The following FAM162A variants were observed in gnomAD, a reference collection of about 807,000 sequenced individuals.
FAM162A encodes the protein family with sequence similarity 162 member A, also known as protein FAM162A.
FAM162A carries 23 observed loss-of-function variants against 21.8 expected under a neutral mutation model. That is an observed-to-expected ratio of 1.05 (90% CI 0.76 to 1.49). The LOEUF is 1.49. FAM162A is among the 40% of genes most tolerant of loss of function. The pLI is 0.00. For synonymous variants in FAM162A, 53 were observed against 61.3 expected, an observed-to-expected ratio of 0.86 and a Z score of 0.64; for missense variants, 165 against 186.4, an observed-to-expected ratio of 0.89 and a Z score of 0.67.
At chr3:122,386,462 A>T (rs2075574889) in intron 1 of FAM162A, among the ~76,000 whole-genome samples, 1 of 151,872 alleles carries the variant, frequency 6.6e-6, no homozygotes. Context: ...CTGAGGCAAG[A>T]GGATCACTTG....
chr3:122,407,437 A>G lies in FAM162A; in HGVS notation c.372+48A>G, dbSNP rs770021437. 10 of 1,424,224 alleles carry G rather than the reference A, an allele frequency of 7.0e-6. No individual in the cohort carries two copies. In the African/African-American group the frequency reaches 1.4e-4, roughly 20 times the overall value. 88.2% of individuals were successfully genotyped at this position (1,424,224 alleles called of 1,614,324 possible). A position where few individuals can be genotyped will look rare whatever the true frequency, so the allele number is the denominator to read the frequency against. On this transcript the variant is annotated intron_variant, in intron 4 of 4. Transcript: ENST00000477892. ...TCCAGTATGTATGTTCTCCACCAAG[A>G]ACCTAGAGTAAATCAGGGATTGACC...
At chr3:122,390,558 G>C (rs1025622912) in intron 1 of FAM162A, among the ~76,000 whole-genome samples, 8 of 152,202 alleles carry the variant, frequency 5.3e-5, no homozygotes, top group African/African-American at 1.9e-4. Context: ...TTTATGGAAA[G>C]GAGGGGACTA....
Position 122,411,287 on chromosome 3 carries a change from C to CTA in FAM162A, c.*1461_*1462dup, listed in dbSNP as rs1416103946. 2 of 152,158 alleles carry CTA rather than the reference C, an allele frequency of 1.3e-5. No homozygotes were observed. The highest frequency in any genetic ancestry group is 4.8e-5 in the African/African-American group (2 of 41,436). The allele number at this position is 152,158 out of a possible 1,614,324, so 9.4% of individuals were successfully genotyped here. On this transcript the variant is annotated 3_prime_UTR_variant, in exon 5 of 5. Transcript: ENST00000477892. ...ATCTGAGGATGTTTATGATGTCTGT[C>CTA]TATATACTTTAATTTGGCCTTAGCT...
intron 1 of FAM162A, among the ~76,000 whole-genome samples, chr3:122,392,671 C>T (rs985302661): frequency 6.6e-6 from 1 of 152,098 alleles, no homozygotes; most frequent in African/African-American, 2.4e-5. Flanking sequence ...TTTAACAAGG[C>T]ATTCCTCTGA....
intron 1 of FAM162A, among the ~76,000 whole-genome samples, chr3:122,388,060 G>A (rs1436942735): frequency 1.3e-5 from 2 of 152,168 alleles, no homozygotes; most frequent in African/African-American, 4.8e-5. Flanking sequence ...CTTTTAGCAG[G>A]AGAAGTAACA....
At chr3:122,394,056 G>C (rs963740907) in intron 1 of FAM162A, among the ~76,000 whole-genome samples, 1 of 152,182 alleles carries the variant, frequency 6.6e-6, no homozygotes, top group Non-Finnish European at 1.5e-5. Flanking sequence ...TACAATCATG[G>C]TGGAAGGCGA....
chr3:122,391,342 G>C (rs1385521929), intron 1 of FAM162A, among the ~76,000 whole-genome samples: 2 of 152,218 alleles, frequency 1.3e-5, no homozygotes, highest in African/African-American at 2.4e-5. Flanking sequence ...ACAGGCACAT[G>C]CCACTGCGCC....
intron 1 of FAM162A, among the ~76,000 whole-genome samples, chr3:122,388,003 G>A (rs139664889): frequency 3.8e-4 from 58 of 152,286 alleles, no homozygotes; most frequent in African/African-American, 1.3e-3. Context: ...GAGGTAAAGT[G>A]TAGTGTTTGG....
Position 122,411,156 on chromosome 3 carries a change from CAG to C in FAM162A, c.*1330_*1331del, listed in dbSNP as rs1471303833. On this transcript the variant is annotated 3_prime_UTR_variant, in exon 5 of 5. Transcript: ENST00000477892. The stretch of plus-strand genomic sequence containing the variant: ...ACAGCCATGCCAACATGCTGGTTCT[CAG>C]AGAGTTATAAGAGAGATTAAAAATA... 1.3e-5 allele frequency: 2 copies of C among 152,128 alleles called. No homozygotes were observed. The highest frequency in any genetic ancestry group is 4.8e-5 in the African/African-American group (2 of 41,420). 9.4% of individuals were successfully genotyped at this position (152,128 alleles called of 1,614,324 possible). A position where few individuals can be genotyped will look rare whatever the true frequency, so the allele number is the denominator to read the frequency against.
chr3:122,385,082 C>G (rs2075568717), intron 1 of FAM162A, among the ~76,000 whole-genome samples: 1 of 151,788 alleles, frequency 6.6e-6, no homozygotes, highest in African/African-American at 2.4e-5. Context: ...CAATGGCACA[C>G]ACTACATTAT....
In FAM162A at chr3:122,410,922, G is replaced by C. The variant is rs549742085; in HGVS notation, c.*1091G>C. 3.2e-4 allele frequency: 48 copies of C among 152,258 alleles called. No homozygotes were observed. Among genetic ancestry groups the C allele is most frequent in the African/African-American group, 1.1e-3 (44 of 41,540 alleles). The allele number at this position is 152,258 out of a possible 1,614,324, so 9.4% of individuals were successfully genotyped here. A position where few individuals can be genotyped will look rare whatever the true frequency, so the allele number is the denominator to read the frequency against. ...TCTCTGTTACGAGATCAGCTGTCGTGGAATCAGTGCTAGTGTTCAGGTAAC... is the reference window on the plus strand; with the variant it reads ...TCTCTGTTACGAGATCAGCTGTCGTCGAATCAGTGCTAGTGTTCAGGTAAC... On this transcript the variant is annotated 3_prime_UTR_variant, in exon 5 of 5. Coordinates refer to ENST00000477892, the MANE Select transcript of FAM162A (RefSeq NM_014367.4).
chr3:122,395,229 C>A (rs1576248973), intron 1 of FAM162A, among the ~76,000 whole-genome samples: 1 of 152,284 alleles, frequency 6.6e-6, no homozygotes, highest in Admixed American at 6.5e-5. Flanking sequence ...TTTCAACAGA[C>A]ATTTCTGTTC....
intron 1 of FAM162A, among the ~76,000 whole-genome samples, chr3:122,393,744 G>C (rs1318936421): frequency 6.6e-6 from 1 of 152,102 alleles, no homozygotes; most frequent in Non-Finnish European, 1.5e-5. Flanking sequence ...CAAGAAGCTG[G>C]GGAATGAGAT....
intron 1 of FAM162A, among the ~76,000 whole-genome samples, chr3:122,393,615 C>CT (rs2075614340): frequency 6.6e-6 from 1 of 152,154 alleles, no homozygotes; most frequent in South Asian, 2.1e-4. Flanking sequence ...CAGGGCTTAT[C>CT]TTTTTTCACC....
At position 122,409,791 on chromosome 3, in the gene FAM162A, G is replaced by A. The variant is rs73188392; in HGVS notation, c.425G>A (p.Arg142His). 536 of 1,614,060 alleles carry A rather than the reference G, an allele frequency of 3.3e-4. No homozygotes were observed. Among genetic ancestry groups the A allele is most frequent in the Middle Eastern group, 8.2e-4 (5 of 6,062 alleles). Reference sequence around the variant, plus strand: ...AGCTTGAACTTAGAAAAGAAAGCTCGTCTGAAAGAGGAAGCAGCTATGAAG... The same window carrying A: ...AGCTTGAACTTAGAAAAGAAAGCTCATCTGAAAGAGGAAGCAGCTATGAAG... The part of the protein sequence containing the change: ...LTSLNLEKKA[R>H]LKEEAAMKAK... Residue 142 changes from arginine (R) to histidine (H), a missense_variant, in exon 5 of 5, where the codon CGT becomes CAT. Transcript: ENST00000477892.
chr3:122,401,121 G>A (rs1251826190), intron 1 of FAM162A, among the ~76,000 whole-genome samples: 1 of 148,844 alleles, frequency 6.7e-6, no homozygotes, highest in African/African-American at 2.4e-5. Flanking sequence ...TCATAAAACA[G>A]TGATTTTCTT....
intron 1 of FAM162A, among the ~76,000 whole-genome samples, chr3:122,394,260 T>G (rs1322211616): frequency 6.6e-6 from 1 of 152,056 alleles, no homozygotes; most frequent in African/African-American, 2.4e-5. Context: ...CCTCCAACAC[T>G]GGGGGTTACA....
At chr3:122,388,102 A>G (rs1211394262) in intron 1 of FAM162A, among the ~76,000 whole-genome samples, 1 of 152,370 alleles carries the variant, frequency 6.6e-6, no homozygotes, top group South Asian at 2.1e-4. Context: ...TAACTCAGCA[A>G]CTACATACCA....
intron 4 of FAM162A, among the ~76,000 whole-genome samples, chr3:122,409,185 G>C (rs1294109401): frequency 6.6e-6 from 1 of 152,164 alleles, no homozygotes; most frequent in African/African-American, 2.4e-5. Context: ...AACAAGGGAA[G>C]AGGACGGTTG....
Sources: gnomAD v4.1 joint callset for allele counts (sites outside exome capture counted in the v4.1 genomes callset) on GRCh38, gnomAD v4.1.1 for gene constraint, MANE v1.5 for transcripts, NCBI Gene and HGNC (gene_info 2026-07-23, HGNC 2026-07-21) for gene names.